Variants in RNASE12 observed in about 807,000 individuals in gnomAD.
RNASE12 encodes ribonuclease A family member 12 (inactive).
For synonymous variants in RNASE12, 55 were observed against 59.8 expected (o/e 0.92, Z 0.37); for missense variants, 161 against 177.6 (o/e 0.91, Z 0.53).
exon 1 of RNASE12, chr14:20,590,376 G>A (rs201311784): frequency 1.9e-6 from 3 of 1,614,192 alleles, no homozygotes; most frequent in South Asian, 2.2e-5. Context: ...TGCAGGCAGG[G>A]TATCTTGTGC....
upstream of RNASE12, chr14:20,591,105 T>C (rs1424047254): frequency 5.1e-6 from 5 of 985,158 alleles, no homozygotes; most frequent in Non-Finnish European, 6.0e-6. Flanking sequence ...AGGTTATTCA[T>C]ATTGCTGAAT....
At chr14:20,590,222 A>T in exon 1 of RNASE12, 1 of 1,586,810 alleles carries the variant, frequency 6.3e-7, no homozygotes, top group Non-Finnish European at 8.6e-7. Context: ...TGCCTCAGGC[A>T]CAGCCAGCTC....
At position 20,590,820 on chromosome 14, in the gene RNASE12, C is replaced by A. The variant is rs1884562211; in HGVS notation, c.-97G>T. 6 of 1,531,622 alleles carry A rather than the reference C, an allele frequency of 3.9e-6. 1 individual carries two copies. In the South Asian group the frequency reaches 7.8e-5, roughly 20 times the overall value. The allele number at this position is 1,531,622 out of a possible 1,614,324, so 94.9% of individuals were successfully genotyped here. The stretch of plus-strand genomic sequence containing the variant: ...GACAGTCAGATTCCTCCTGCTCCAA[C>A]CCCTGGCTGCTCCCCCATCCTTGGA... On this transcript the variant is annotated 5_prime_UTR_variant, in exon 1 of 1. Coordinates refer to ENST00000556526, the Ensembl canonical transcript of RNASE12.
upstream of RNASE12, chr14:20,591,156 A>G: frequency 2.0e-6 from 2 of 985,104 alleles, no homozygotes; most frequent in Non-Finnish European, 2.4e-6. Flanking sequence ...AAATCCACCC[A>G]ATTGCACATG....
chr14:20,591,256 C>T (rs928303275), upstream of RNASE12: 8 of 985,286 alleles, frequency 8.1e-6, no homozygotes, highest in African/African-American at 8.7e-5. Flanking sequence ...TAGCTCCTCT[C>T]ACCTGTCATT....
exon 1 of RNASE12, chr14:20,590,605 G>A (rs370189662): frequency 6.2e-7 from 1 of 1,614,108 alleles, no homozygotes; most frequent in Non-Finnish European, 8.5e-7. Context: ...TGCAGGAACG[G>A]GAACGTCATT....
chr14:20,590,686 A>G (rs751652592), exon 1 of RNASE12: 6 of 1,614,116 alleles, frequency 3.7e-6, no homozygotes, highest in Non-Finnish European at 4.2e-6. Context: ...ATTTTCCCAG[A>G]ACAGAAGCAC....
exon 1 of RNASE12, chr14:20,590,368 C>T (rs946308804): frequency 6.2e-7 from 1 of 1,614,178 alleles, no homozygotes; most frequent in Non-Finnish European, 8.5e-7. Context: ...GTGGTACCTG[C>T]AGGCAGGGTA....
At chr14:20,590,118 A>T (rs1480090145), downstream of RNASE12, 1 of 1,333,784 alleles carries the variant, frequency 7.5e-7, no homozygotes, top group Non-Finnish European at 9.9e-7. Context: ...AGCAGAATAA[A>T]ACAATCCCAA....
chr14:20,590,569 T>C lies in RNASE12; in HGVS notation c.155A>G (p.Gln52Arg). Residue 52 changes from glutamine to arginine, a missense_variant, in exon 1 of 1, where the codon CAA becomes CGA. Gln to Arg is a conservative substitution (Grantham distance 43). Coordinates refer to ENST00000556526, the Ensembl canonical transcript of RNASE12. ...GTGGTCAGGTTCCCTGATAACTCTT[T>C]GTATGATCATGTGGTTGCAGTACCT... The C allele has an allele frequency of 6.2e-7, 1 of 1,614,266 alleles. No individual in the cohort carries two copies. Among genetic ancestry groups the C allele is most frequent in the East Asian group, 2.2e-5 (1 of 44,884 alleles).
chr14:20,590,780 T>C lies in RNASE12; in HGVS notation c.-57A>G, dbSNP rs1436253579. 12 of 1,583,664 alleles carry C rather than the reference T, an allele frequency of 7.6e-6. No homozygotes were observed. The highest frequency in any genetic ancestry group is 6.7e-5 in the African/African-American group (5 of 74,394). The stretch of plus-strand genomic sequence containing the variant: ...TTGACTGCTGTTGAGTAAGGGAAGA[T>C]AGAAAGTAGCAAAGGACAGTCAGAT... On this transcript the variant is annotated 5_prime_UTR_variant, in exon 1 of 1. Transcript: ENST00000556526.
chr14:20,590,206 C>T (rs1029345342), exon 1 of RNASE12: 6 of 1,569,246 alleles, frequency 3.8e-6, no homozygotes, highest in South Asian at 3.6e-5. Flanking sequence ...GTCCACGGTC[C>T]AGGTCTGCCT....
rs766610199 is a variant in RNASE12, at chr14:20,590,771, A to T, written c.-48T>A. On this transcript the variant is annotated 5_prime_UTR_variant, in exon 1 of 1. Coordinates refer to ENST00000556526, the Ensembl canonical transcript of RNASE12. ...TCTTTGGCTTTGACTGCTGTTGAGT[A>T]AGGGAAGATAGAAAGTAGCAAAGGA... 16 of 1,589,914 alleles carry T rather than the reference A, an allele frequency of 1.0e-5. No individual in the cohort carries two copies. Among genetic ancestry groups the T allele is most frequent in the Non-Finnish European group, 8.6e-7 (1 of 1,165,972 alleles).
At chr14:20,590,990 G>A (rs1884568889), upstream of RNASE12, 2 of 985,370 alleles carry the variant, frequency 2.0e-6, no homozygotes, top group African/African-American at 1.7e-5. Context: ...TATTCCTGTT[G>A]TGTTTGTTTT....
At chr14:20,591,291 A>G (rs1055725324), upstream of RNASE12, 12 of 985,216 alleles carry the variant, frequency 1.2e-5, no homozygotes, top group Non-Finnish European at 1.4e-5. Context: ...CACAGGTAAC[A>G]TAGCCTTTTG....
At chr14:20,590,371 G>T (rs1327368810) in exon 1 of RNASE12, 1 of 1,614,142 alleles carries the variant, frequency 6.2e-7, no homozygotes. Context: ...GTACCTGCAG[G>T]CAGGGTATCT....
At chr14:20,591,250 T>C, upstream of RNASE12, 1 of 985,214 alleles carries the variant, frequency 1.0e-6, no homozygotes, top group Non-Finnish European at 1.2e-6. Context: ...CTGTGCTAGC[T>C]CCTCTCACCT....
exon 1 of RNASE12, chr14:20,590,349 G>T (rs532441502): frequency 1.2e-6 from 2 of 1,614,042 alleles, no homozygotes; most frequent in Non-Finnish European, 1.7e-6. Context: ...ACCCCTCTGT[G>T]GGGGAATAGT....
exon 1 of RNASE12, chr14:20,590,530 T>G (rs1409658715): frequency 6.2e-7 from 1 of 1,614,230 alleles, no homozygotes; most frequent in Non-Finnish European, 8.5e-7. Flanking sequence ...GAAGACATGC[T>G]CCTTTTTACA....
Sources: allele counts gnomAD v4.1 joint callset, GRCh38; gene constraint gnomAD v4.1.1; transcripts MANE v1.5; gene names NCBI Gene and HGNC (gene_info 2026-07-23, HGNC 2026-07-21).